Variants in LIPK observed in about 807,000 individuals in gnomAD.
LIPK encodes lipase family member K, also known as lipase member K.
In LIPK, 32 loss-of-function variants were observed where a neutral mutation model predicts 48.6. The ratio of observed to expected loss-of-function variants is 0.66; its 90% CI spans 0.50 to 0.88. LIPK has a LOEUF of 0.88. Ranked by LOEUF, LIPK falls within the 40% of genes least tolerant of loss-of-function variation. LIPK has a pLI of 0.00. For synonymous variants in LIPK, 164 were observed against 157.4 expected (o/e 1.04, Z -0.32); for missense variants, 507 against 478.5 (o/e 1.06, Z -0.56).
chr10:88,730,057 C>T (rs1320369025), intron 3 of LIPK, among the ~76,000 whole-genome samples: 1 of 151,944 alleles, frequency 6.6e-6, no homozygotes, highest in Non-Finnish European at 1.5e-5. Flanking sequence ...TACTTACAAC[C>T]TTGTTTTTTG....
At chr10:88,743,819 G>A (rs1424292385) in intron 9 of LIPK, among the ~76,000 whole-genome samples, 1 of 152,150 alleles carries the variant, frequency 6.6e-6, no homozygotes. Flanking sequence ...TAGCTCCTGG[G>A]GAAGAGGTGA....
chr10:88,740,635 T>G (rs1842661771), intron 8 of LIPK, among the ~76,000 whole-genome samples: 1 of 152,228 alleles, frequency 6.6e-6, no homozygotes, highest in East Asian at 1.9e-4. Context: ...TGTGTGTCTT[T>G]GTGTGTGCAT....
chr10:88,732,603 C>A lies in LIPK; in HGVS notation c.669+52C>A, dbSNP rs891137596. 5.2e-6 allele frequency: 8 copies of A among 1,524,644 alleles called. No individual in the cohort carries two copies. In the East Asian group the frequency reaches 9.1e-5, roughly 17 times the overall value. 94.4% of individuals were successfully genotyped at this position (1,524,644 alleles called of 1,614,324 possible). ...GAAATAACTAAAAGTAGCTCTATTT[C>A]CATTGATTTCAACAGAAGACCAATG... On this transcript the variant is annotated intron_variant, in intron 6 of 9. Coordinates refer to ENST00000404190, the MANE Select transcript of LIPK (RefSeq NM_001080518.2).
At chr10:88,728,302 C>T (rs147651794) in intron 3 of LIPK, 18 of 176,804 alleles carry the variant, frequency 1.0e-4, no homozygotes, top group Non-Finnish European at 1.4e-4. Context: ...ACCAGGAGAT[C>T]GCCAGCCGCA....
chr10:88,710,373 T>C (rs1842006874), intron 1 of LIPK, among the ~76,000 whole-genome samples: 1 of 152,190 alleles, frequency 6.6e-6, no homozygotes, highest in Non-Finnish European at 1.5e-5. Flanking sequence ...ACACCAGCAC[T>C]AGTAAATGTT....
At chr10:88,748,416 A>G (rs572923092) in intron 9 of LIPK, among the ~76,000 whole-genome samples, 1 of 152,264 alleles carries the variant, frequency 6.6e-6, no homozygotes, top group Admixed American at 6.5e-5. Context: ...CAGGGGTATG[A>G]GACTAGCCTG....
At chr10:88,713,400 A>AAGTG (rs57897991) in intron 1 of LIPK, among the ~76,000 whole-genome samples, 29 of 151,712 alleles carry the variant, frequency 1.9e-4, no homozygotes, top group African/African-American at 6.8e-4. Flanking sequence ...TTTTTGTTGT[A>AAGTG]TTACCATAAC....
intron 1 of LIPK, among the ~76,000 whole-genome samples, chr10:88,716,386 C>T (rs1316231185): frequency 1.4e-4 from 16 of 114,304 alleles, no homozygotes; most frequent in African/African-American, 5.6e-4. Flanking sequence ...GAGACAGAGT[C>T]TCATTCTGTC....
chr10:88,752,499 C>G lies in LIPK; in HGVS notation c.961-18C>G, dbSNP rs1227977247. The G allele has an allele frequency of 2.0e-6, 3 of 1,518,900 alleles. No homozygotes were observed. Among genetic ancestry groups the G allele is most frequent in the Non-Finnish European group, 2.7e-6 (3 of 1,118,924 alleles). The allele number at this position is 1,518,900 out of a possible 1,614,324, so 94.1% of individuals were successfully genotyped here. A position where few individuals can be genotyped will look rare whatever the true frequency, so the allele number is the denominator to read the frequency against. The stretch of plus-strand genomic sequence containing the variant: ...ATATTCTGTAAAAACTTTTCTCTCT[C>G]TCTTTTATTGTATTTAGCTTACACC... On this transcript the variant is annotated intron_variant, in intron 9 of 9. Transcript: ENST00000404190.
At chr10:88,711,120 A>G (rs1294356715) in intron 1 of LIPK, among the ~76,000 whole-genome samples, 1 of 151,898 alleles carries the variant, frequency 6.6e-6, no homozygotes, top group Non-Finnish European at 1.5e-5. Flanking sequence ...TGTCTGTCCA[A>G]GTATTTTGTC....
intron 9 of LIPK, among the ~76,000 whole-genome samples, chr10:88,746,724 C>G (rs1186490100): frequency 6.6e-6 from 1 of 152,022 alleles, no homozygotes; most frequent in East Asian, 1.9e-4. Context: ...AAAACAAGAG[C>G]AAACCAACTC....
intron 1 of LIPK, among the ~76,000 whole-genome samples, chr10:88,710,643 A>G (rs1335729745): frequency 6.6e-6 from 1 of 152,176 alleles, no homozygotes; most frequent in Non-Finnish European, 1.5e-5. Context: ...CGTTTGTGAT[A>G]TTTATCCAGG....
chr10:88,711,395 T>C (rs1842023997), intron 1 of LIPK, among the ~76,000 whole-genome samples: 1 of 152,220 alleles, frequency 6.6e-6, no homozygotes, highest in Non-Finnish European at 1.5e-5. Context: ...GCGCTTAAAA[T>C]GTACTCTTTT....
chr10:88,724,432 G>T, intron 1 of LIPK, 101 bp from the exon 2 acceptor site: 1 of 694,000 alleles, frequency 1.4e-6, no homozygotes, highest in East Asian at 2.8e-5. Flanking sequence ...CTAGAAGTAT[G>T]TTTCTGCTCT....
chr10:88,750,135 T>A (rs1486259533), intron 9 of LIPK, among the ~76,000 whole-genome samples: 1 of 152,154 alleles, frequency 6.6e-6, no homozygotes, highest in African/African-American at 2.4e-5. Context: ...AGAATGGCTA[T>A]TATTTAAAAG....
At chr10:88,733,355 C>T (rs1842507217) in intron 6 of LIPK, among the ~76,000 whole-genome samples, 1 of 152,178 alleles carries the variant, frequency 6.6e-6, no homozygotes, top group Non-Finnish European at 1.5e-5. Flanking sequence ...GGGCTTCTCC[C>T]ATGGTAATAA....
intron 1 of LIPK, among the ~76,000 whole-genome samples, chr10:88,707,341 C>T (rs939305565): frequency 7.2e-5 from 11 of 152,046 alleles, no homozygotes; most frequent in Non-Finnish European, 1.5e-4. Context: ...ACTGGACTAT[C>T]CTGTCTCTCC....
Position 88,732,479 on chromosome 10 carries a change from T to G in LIPK, c.597T>G (p.Ala199=), listed in dbSNP as rs763923099. The G allele has an allele frequency of 5.0e-6, 8 of 1,613,832 alleles. No homozygotes were observed. Among genetic ancestry groups the G allele is most frequent in the South Asian group, 3.3e-5 (3 of 91,016 alleles). The change falls in exon 6 of 10, where the codon GCT becomes GCG. Residue 199 remains alanine (A), a synonymous_variant. Coordinates refer to ENST00000404190, the MANE Select transcript of LIPK (RefSeq NM_001080518.2). The part of the protein sequence containing the change: ...AKKIKIFFAL[A]PVVTVKYTQS... ...AGATTAAGATATTTTTTGCACTGGC[T>G]CCAGTTGTCACAGTTAAATACACCC...
intron 8 of LIPK, among the ~76,000 whole-genome samples, chr10:88,741,850 A>G: frequency 6.6e-6 from 1 of 152,210 alleles, no homozygotes; most frequent in South Asian, 2.1e-4. Context: ...TAGTCTATTA[A>G]GCCTGGATAC....
Sources: gnomAD v4.1 joint callset for allele counts (sites outside exome capture counted in the v4.1 genomes callset) on GRCh38, gnomAD v4.1.1 for gene constraint, MANE v1.5 for transcripts, NCBI Gene and HGNC (gene_info 2026-07-23, HGNC 2026-07-21) for gene names.